Variants in MAN1B1 observed in about 807,000 individuals in gnomAD.
MAN1B1 encodes the protein mannosidase alpha class 1B member 1.
Under a neutral mutation model 75.5 loss-of-function variants are expected in MAN1B1, and 66 were observed. The observed-to-expected ratio is 0.87, with a 90% confidence interval of 0.72 to 1.07. The LOEUF (loss-of-function observed/expected upper bound fraction) is 1.07, where lower values mean the gene tolerates loss of function less well. Ranked by LOEUF, MAN1B1 falls within the 50% of genes least tolerant of loss-of-function variation. MAN1B1 has a pLI of 0.00. For synonymous variants in MAN1B1, 453 were observed against 382.8 expected (o/e 1.18, Z -2.14); for missense variants, 973 against 912.5 (o/e 1.07, Z -0.85).
chr9:137,090,778 C>T (rs977679335), intron 3 of MAN1B1, among the ~76,000 whole-genome samples: 1 of 152,124 alleles, frequency 6.6e-6, no homozygotes, highest in African/African-American at 2.4e-5. Flanking sequence ...ACCTCTTGAT[C>T]TGCCCACCTC....
At position 137,087,111 on chromosome 9, in the gene MAN1B1, T is replaced by A; in HGVS notation, c.112T>A (p.Tyr38Asn). 2 of 1,594,926 alleles carry A rather than the reference T, an allele frequency of 1.3e-6. No individual in the cohort carries two copies. Among genetic ancestry groups the A allele is most frequent in the Non-Finnish European group, 1.7e-6 (2 of 1,172,564 alleles). The change falls in exon 1 of 13, where the codon TAC (tyrosine) becomes AAC (asparagine). Residue 38 changes from tyrosine to asparagine, a missense_variant. Coordinates refer to ENST00000371589, the MANE Select transcript of MAN1B1 (RefSeq NM_016219.5). ...PWAVATTVVM[Y>N]PPPPPPPHRD... is the part of the protein sequence containing the mutation. ...GGCCGTCGCCACCACTGTAGTCATG[T>A]ACCCACCGCCGCCGCCGCCGCCTCA...
chr9:137,106,530 A>G lies in MAN1B1; in HGVS notation c.1446-159A>G, dbSNP rs1259754089. On this transcript the variant is annotated intron_variant, in intron 9 of 12. Transcript: ENST00000371589. ...TGGCCTCTGGGGGGGTGAGGGGGGC[A>G]TCTTCACTGAGGGCCATGGGCTGTG... is the stretch of plus-strand genomic sequence containing the variant. 3 of 1,223,136 alleles carry G rather than the reference A, an allele frequency of 2.5e-6. No individual in the cohort carries two copies. The African/African-American group carries it at 4.5e-5, about 18-fold the overall frequency. The allele number at this position is 1,223,136 out of a possible 1,614,324, so 75.8% of individuals were successfully genotyped here. A position where few individuals can be genotyped will look rare whatever the true frequency, so the allele number is the denominator to read the frequency against.
At chr9:137,101,887 ACATT>A (rs1830825820) in intron 8 of MAN1B1, 1 of 692,216 alleles carries the variant, frequency 1.4e-6, no homozygotes, top group East Asian at 2.8e-5. Context: ...GGTGTTACAC[ACATT>A]CACACTGTTG....
intron 1 of MAN1B1, 150 bp downstream of exon 1, chr9:137,087,368 G>T: frequency 1.0e-6 from 1 of 969,572 alleles, no homozygotes. Context: ...GCAAATGTGC[G>T]TTCCTGGTTG....
rs902080521 is a variant in MAN1B1 at position 137,107,610 on chromosome 9, A to G, written c.1844A>G (p.Lys615Arg). ...FYLYRVTGDRKYQDWGWEILQ... is the reference protein window; with the variant it reads ...FYLYRVTGDRRYQDWGWEILQ... ...CTGTACCGCGTCACAGGGGACCGCA[A>G]ATACCAGGACTGGGGCTGGGAGATT... The change falls in exon 12 of 13, where the codon AAA (lysine) becomes AGA (arginine). Residue 615 changes from lysine (K) to arginine (R), a missense_variant. By Grantham distance (26) the Lys-to-Arg change is conservative. Transcript: ENST00000371589. The G allele has an allele frequency of 1.9e-6, 3 of 1,611,434 alleles. No individual in the cohort carries two copies. The African/African-American group carries it at 4.0e-5, about 22-fold the overall frequency.
At chr9:137,089,768 G>A (rs547841976) in intron 3 of MAN1B1, among the ~76,000 whole-genome samples, 4 of 152,128 alleles carry the variant, frequency 2.6e-5, no homozygotes, top group African/African-American at 7.2e-5. Flanking sequence ...GGAGTGCTCC[G>A]CAGGAGTGGG....
At chr9:137,097,560 G>T (rs1426332479) in intron 4 of MAN1B1, among the ~76,000 whole-genome samples, 1 of 152,114 alleles carries the variant, frequency 6.6e-6, no homozygotes, top group Non-Finnish European at 1.5e-5. Flanking sequence ...TCCGGCCTCT[G>T]CAGAGGGATT....
Position 137,108,684 on chromosome 9 carries a change from C to A in MAN1B1, c.*93C>A. The A allele has an allele frequency of 1.7e-6, 2 of 1,189,520 alleles. No individual in the cohort carries two copies. Among genetic ancestry groups the A allele is most frequent in the African/African-American group, 1.5e-5 (1 of 66,488 alleles). 73.7% of individuals were successfully genotyped at this position (1,189,520 alleles called of 1,614,324 possible). A position where few individuals can be genotyped will look rare whatever the true frequency, so the allele number is the denominator to read the frequency against. ...CAAGGGCCCACGTAGCACCGGCAAC[C>A]GCCAAGTGGCCCAGGCTCTGAACTG... On this transcript the variant is annotated 3_prime_UTR_variant, in exon 13 of 13. Coordinates refer to ENST00000371589, the MANE Select transcript of MAN1B1 (RefSeq NM_016219.5).
chr9:137,099,628 G>C (rs2131011132), intron 5 of MAN1B1, 68 bp from the exon 6 acceptor site: 2 of 1,532,038 alleles, frequency 1.3e-6, no homozygotes, highest in East Asian at 4.5e-5. Flanking sequence ...TGCTCTGCCT[G>C]AGGGTGTCCA....
intron 3 of MAN1B1, among the ~76,000 whole-genome samples, chr9:137,096,003 T>G (rs998383175): frequency 3.9e-5 from 6 of 152,156 alleles, no homozygotes; most frequent in African/African-American, 1.4e-4. Flanking sequence ...ATTCCCACCG[T>G]GGGAGGGGCT....
At chr9:137,095,386 A>G (rs957789365) in intron 3 of MAN1B1, among the ~76,000 whole-genome samples, 3 of 151,694 alleles carry the variant, frequency 2.0e-5, no homozygotes, top group African/African-American at 7.3e-5. Context: ...AAAAAAAAAA[A>G]GTGGAGCAAT....
chr9:137,107,187 C>T (rs922420738), intron 10 of MAN1B1, 63 bp from the exon 11 acceptor site: 15 of 1,563,156 alleles, frequency 9.6e-6, no homozygotes, highest in East Asian at 6.8e-5. Context: ...GTTGGCTGCC[C>T]GTGCAGCTGC....
chr9:137,094,113 C>G (rs1009899726), intron 3 of MAN1B1, among the ~76,000 whole-genome samples: 2 of 150,948 alleles, frequency 1.3e-5, no homozygotes, highest in African/African-American at 4.9e-5. Flanking sequence ...GTCTCGGGTT[C>G]AAGTGATTCT....
At chr9:137,099,675 G>A (rs951460116) in intron 5 of MAN1B1, 21 bp from the exon 6 acceptor site, 6 of 1,613,836 alleles carry the variant, frequency 3.7e-6, no homozygotes, top group Non-Finnish European at 5.1e-6. Context: ...GCCATGGCCT[G>A]TGCTCTCTCC....
rs1564315186 is a variant in MAN1B1 at position 137,108,523 on chromosome 9, C to G, written c.2032C>G (p.Leu678Val). 3 of 1,614,008 alleles carry G rather than the reference C, an allele frequency of 1.9e-6. No individual in the cohort carries two copies. The highest frequency in any genetic ancestry group is 1.3e-5 in the African/African-American group (1 of 75,056). Residue 678 changes from leucine (L) to valine (V), a missense_variant, in exon 13 of 13, where the codon CTG becomes GTG. Leu to Val is a conservative substitution (Grantham distance 32, BLOSUM62 1). Coordinates refer to ENST00000371589, the MANE Select transcript of MAN1B1 (RefSeq NM_016219.5). ...LFLLFSDDPN[L>V]LSLDAYVFNT... ...CTTGCTCTTCTCCGATGACCCAAACCTGCTCAGCCTGGATGCCTACGTGTT... is the reference window on the plus strand; with the variant it reads ...CTTGCTCTTCTCCGATGACCCAAACGTGCTCAGCCTGGATGCCTACGTGTT...
intron 6 of MAN1B1, 82 bp from the exon 7 acceptor site, chr9:137,100,923 T>G: frequency 1.3e-6 from 2 of 1,538,026 alleles, no homozygotes; most frequent in Non-Finnish European, 1.8e-6. Context: ...CCCAGCCAAA[T>G]GTATTTTGAA....
intron 8 of MAN1B1, chr9:137,103,998 G>C (rs985463651): frequency 1.3e-5 from 6 of 454,796 alleles, no homozygotes; most frequent in Admixed American, 1.2e-4. Context: ...CAGGTCGGTG[G>C]TGTTACATTC....
intron 3 of MAN1B1, among the ~76,000 whole-genome samples, chr9:137,093,690 C>T (rs774649079): frequency 1.3e-4 from 19 of 151,782 alleles, no homozygotes; most frequent in Non-Finnish European, 2.4e-4. Context: ...CAAAATTAGC[C>T]GGGCGTGGTG....
At position 137,088,993 on chromosome 9, in the gene MAN1B1, G is replaced by C. The variant is rs191443938; in HGVS notation, c.453G>C (p.Glu151Asp). 2.3e-5 allele frequency: 37 copies of C among 1,613,984 alleles called. No individual in the cohort carries two copies. The Admixed American group carries it at 6.2e-4, about 27-fold the overall frequency. Reference sequence around the variant, plus strand: ...ACACCGACCCTGAGAACTTACCTGAGATTTCGTCACAGGTACTTTGAGCAA... The same window carrying C: ...ACACCGACCCTGAGAACTTACCTGACATTTCGTCACAGGTACTTTGAGCAA... Reference protein sequence around the residue: ...KADTDPENLPEISSQKTQRHI... With the variant: ...KADTDPENLPDISSQKTQRHI... The change falls in exon 3 of 13, where the codon GAG becomes GAC. Residue 151 changes from glutamate (E) to aspartate (D), a missense_variant. Coordinates refer to ENST00000371589, the MANE Select transcript of MAN1B1 (RefSeq NM_016219.5).
Sources: allele counts gnomAD v4.1 joint callset (sites outside exome capture counted in the v4.1 genomes callset), GRCh38; gene constraint gnomAD v4.1.1; transcripts MANE v1.5; gene names NCBI Gene and HGNC (gene_info 2026-07-23, HGNC 2026-07-21).